Variants in PSMD13 observed in about 807,000 individuals in gnomAD.
PSMD13 encodes proteasome 26S subunit, non-ATPase 13, also known as 26S proteasome non-ATPase regulatory subunit 13.
A neutral mutation model predicts 57.4 loss-of-function variants in PSMD13; 8 were observed. The ratio of observed to expected loss-of-function variants is 0.14; its 90% confidence interval spans 0.08 to 0.25. The LOEUF (loss-of-function observed/expected upper bound fraction) is 0.25, where lower values mean the gene tolerates loss of function less well. Ranked by LOEUF, PSMD13 falls within the 10% of genes least tolerant of loss-of-function variation. The pLI, the probability that PSMD13 is intolerant of heterozygous loss-of-function variation, is 1.00. For missense variants in PSMD13, 400 were observed against 461.5 expected, an observed-to-expected ratio of 0.87 and a Z score of 1.22; for synonymous variants, 193 against 168.2, an observed-to-expected ratio of 1.15 and a Z score of -1.14.
intron 1 of PSMD13, among the ~76,000 whole-genome samples, chr11:238,350 C>T (rs1365205871): frequency 6.6e-6 from 1 of 152,200 alleles, no homozygotes; most frequent in Non-Finnish European, 1.5e-5. Flanking sequence ...CCATTTCATA[C>T]CTGGGAAAAC....
intron 4 of PSMD13, 83 bp downstream of exon 4, chr11:244,299 T>G: frequency 1.3e-6 from 2 of 1,586,450 alleles, no homozygotes; most frequent in Admixed American, 1.9e-5. Flanking sequence ...TTTTGTGTTT[T>G]CTGTATCAGA....
At chr11:245,124 G>T (rs1362129722) in intron 6 of PSMD13, among the ~76,000 whole-genome samples, 1 of 151,984 alleles carries the variant, frequency 6.6e-6, no homozygotes, top group African/African-American at 2.4e-5. Flanking sequence ...TGTATTTTTA[G>T]TAGAGACAGG....
chr11:244,885 C>A, intron 6 of PSMD13, 124 bp downstream of exon 6: 2 of 712,264 alleles, frequency 2.8e-6, no homozygotes, highest in Admixed American at 3.6e-5. Context: ...AGAAAAGTTG[C>A]AAAAATAACA....
chr11:251,483 C>A lies in PSMD13; in HGVS notation c.838-63C>A. On this transcript the variant is annotated intron_variant, in intron 10 of 12. Coordinates refer to ENST00000532097, the MANE Select transcript of PSMD13 (RefSeq NM_002817.4). The surrounding 1 kb of genome is among the most constrained non-coding windows in gnomAD (Gnocchi z 4.6). ...TCAGAGCCAATATTGACAAAACATC[C>A]TTATCAGTTCTCTATTTTTATTTGG... is the stretch of plus-strand genomic sequence containing the variant. The A allele has an allele frequency of 7.2e-7, 1 of 1,384,164 alleles. No homozygotes were observed. Among genetic ancestry groups the A allele is most frequent in the South Asian group, 1.2e-5 (1 of 80,222 alleles). 85.7% of individuals were successfully genotyped at this position (1,384,164 alleles called of 1,614,324 possible).
rs532187338 is a variant in PSMD13 at position 242,526 on chromosome 11, A to G, written c.175-1515A>G. Among the ~76,000 whole-genome samples, 9 of 151,096 alleles carry G rather than the reference A, an allele frequency of 6.0e-5. No individual in the cohort carries two copies. The South Asian group carries it at 1.9e-3, about 31-fold the overall frequency. On this transcript the variant is annotated intron_variant, in intron 2 of 12. Transcript: ENST00000532097. ...TAACTTATTGTACAGTCCATTGTCC[A>G]TTTTAAGATATTCTTTCTTCCAAAA...
chr11:245,350 A>G (rs946990494), intron 6 of PSMD13, among the ~76,000 whole-genome samples: 8 of 152,280 alleles, frequency 5.3e-5, no homozygotes, highest in African/African-American at 1.9e-4. Context: ...GCCCTTAAAC[A>G]AAAGAGCACT....
chr11:252,897 T>C lies in PSMD13; in HGVS notation c.*297T>C. 1 of 325,696 alleles carries C rather than the reference T, an allele frequency of 3.1e-6. No homozygotes were observed. Among genetic ancestry groups the C allele is most frequent in the South Asian group, 4.9e-5 (1 of 20,542 alleles). 20.2% of individuals were successfully genotyped at this position (325,696 alleles called of 1,614,324 possible). On this transcript the variant is annotated 3_prime_UTR_variant, in exon 13 of 13. Coordinates refer to ENST00000532097, the MANE Select transcript of PSMD13 (RefSeq NM_002817.4). This position sits in a 1 kb window ranked among gnomAD's most constrained non-coding sequence, Gnocchi z 4.1. The stretch of plus-strand genomic sequence containing the variant: ...CCCCTGAAGTCTGTGTACTCCGAGG[T>C]GGATCTCCATCCCCATCCACCTGTA...
intron 9 of PSMD13, among the ~76,000 whole-genome samples, chr11:249,430 A>G (rs1409671037): frequency 6.6e-6 from 1 of 152,048 alleles, no homozygotes; most frequent in Non-Finnish European, 1.5e-5. Context: ...AAAGTTTAGT[A>G]TCTTTGCTGA....
chr11:248,742 C>T, intron 7 of PSMD13, 34 bp from the exon 8 acceptor site: 1 of 1,595,006 alleles, frequency 6.3e-7, no homozygotes. Flanking sequence ...ATTATTATGA[C>T]TGGATTGTAA....
chr11:246,907 G>GT (rs1455169748), intron 6 of PSMD13, among the ~76,000 whole-genome samples: 1 of 152,136 alleles, frequency 6.6e-6, no homozygotes, highest in Non-Finnish European at 1.5e-5. Context: ...ATTTGTAAGT[G>GT]TTTTTATATT....
chr11:251,444 T>G lies in PSMD13; in HGVS notation c.838-102T>G. 3 of 1,032,380 alleles carry G rather than the reference T, an allele frequency of 2.9e-6. No individual in the cohort carries two copies. In the South Asian group the frequency reaches 4.7e-5, roughly 16 times the overall value. The allele number at this position is 1,032,380 out of a possible 1,614,324, so 64.0% of individuals were successfully genotyped here. On this transcript the variant is annotated intron_variant, in intron 10 of 12. Transcript: ENST00000532097. This position sits in a 1 kb window ranked among gnomAD's most constrained non-coding sequence, Gnocchi z 4.6. The stretch of plus-strand genomic sequence containing the variant: ...AACTTTTTAGTATGTGGGGTACTAA[T>G]AAGATCTCTATTTTCAGAGCCAATA...
chr11:251,522 A>T lies in PSMD13; in HGVS notation c.838-24A>T. ...ATTTTTATTTGGAAAAATAGTTTAA[A>T]ATAGTTAATAAAATTTTTTCCAGAT... On this transcript the variant is annotated intron_variant, in intron 10 of 12. Transcript: ENST00000532097. This position sits in a 1 kb window ranked among gnomAD's most constrained non-coding sequence, Gnocchi z 4.6. 1 of 1,571,648 alleles carries T rather than the reference A, an allele frequency of 6.4e-7. No individual in the cohort carries two copies.
chr11:246,036 A>G (rs529185406), intron 6 of PSMD13, among the ~76,000 whole-genome samples: 1 of 152,240 alleles, frequency 6.6e-6, no homozygotes, highest in African/African-American at 2.4e-5. Context: ...GCTCCCTCTC[A>G]TGCCCATGCA....
chr11:249,613 GCGGGGAGA>G, intron 9 of PSMD13, among the ~76,000 whole-genome samples: 1 of 65,908 alleles, frequency 1.5e-5, no homozygotes, highest in East Asian at 5.3e-4. Flanking sequence ...AGCGGCGGGT[GCGGGGAGA>G]GGGAGAGGTC....
intron 2 of PSMD13, 93 bp from the exon 3 acceptor site, chr11:243,948 G>T: frequency 7.6e-7 from 1 of 1,309,306 alleles, no homozygotes. Flanking sequence ...TGATAGCATT[G>T]ATGCAGCTTC....
chr11:244,574 C>T, intron 5 of PSMD13, 101 bp from the exon 6 acceptor site: 20 of 1,506,334 alleles, frequency 1.3e-5, no homozygotes, highest in Non-Finnish European at 1.7e-5. Flanking sequence ...ACCACAAGGC[C>T]TCTAGTCATC....
intron 2 of PSMD13, among the ~76,000 whole-genome samples, chr11:239,865 G>C (rs959508249): frequency 6.6e-6 from 1 of 151,988 alleles, no homozygotes; most frequent in African/African-American, 2.4e-5. Context: ...CATTGCAACT[G>C]ATAGCTTATA....
intron 6 of PSMD13, among the ~76,000 whole-genome samples, chr11:245,002 G>C (rs1859601369): frequency 6.8e-6 from 1 of 146,874 alleles, no homozygotes; most frequent in African/African-American, 2.5e-5. Flanking sequence ...GTGCAATGGT[G>C]CAATCTCGGC....
rs182628336 is a variant in PSMD13 at position 240,988 on chromosome 11, C to T, written c.174+1912C>T. Among the ~76,000 whole-genome samples the T allele has an allele frequency of 2.7e-3, 407 of 152,154 alleles. 3 individuals are homozygous for T. The highest frequency in any genetic ancestry group is 4.2e-3 in the Non-Finnish European group (287 of 68,002). ...CTGGGATTACAGGCACCCGCCACCA[C>T]GCCTGGATAATTTTTGTATTTTTAG... On this transcript the variant is annotated intron_variant, in intron 2 of 12. Transcript: ENST00000532097.
Sources: allele counts gnomAD v4.1 joint callset (sites outside exome capture counted in the v4.1 genomes callset), GRCh38; gene constraint gnomAD v4.1.1; non-coding constraint Gnocchi (gnomAD v3.1); transcripts MANE v1.5; gene names NCBI Gene and HGNC (gene_info 2026-07-23, HGNC 2026-07-21).